Variants in HDAC4 observed in about 807,000 individuals in gnomAD.
The protein encoded by HDAC4 is histone deacetylase 4.
A neutral mutation model predicts 135.1 loss-of-function variants in HDAC4; 16 were observed. The observed-to-expected ratio is 0.12, with a 90% confidence interval of 0.08 to 0.18. HDAC4 has a LOEUF of 0.18. Ranked by LOEUF, HDAC4 falls within the 10% of genes least tolerant of loss-of-function variation. HDAC4 has a pLI of 1.00. For synonymous variants in HDAC4, 685 were observed against 653.4 expected (o/e 1.05, Z -0.74); for missense variants, 1,143 against 1,511.8 (o/e 0.76, Z 4.05).
intron 2 of HDAC4, among the ~76,000 whole-genome samples, chr2:239,273,477 G>A (rs2050165486): frequency 6.6e-6 from 1 of 152,170 alleles, no homozygotes; most frequent in African/African-American, 2.4e-5. Context: ...CTTCCTCTCT[G>A]CAGAAGTCTT....
At chr2:239,106,183 G>A (rs758506914) in intron 15 of HDAC4, among the ~76,000 whole-genome samples, 22 of 152,230 alleles carry the variant, frequency 1.4e-4, no homozygotes, top group Admixed American at 2.6e-4. Context: ...AGCCGAGGGC[G>A]GGCGGAGGAG....
chr2:239,329,898 G>A (rs768636901), intron 2 of HDAC4, among the ~76,000 whole-genome samples: 18 of 151,868 alleles, frequency 1.2e-4, no homozygotes, highest in Non-Finnish European at 2.4e-4. Flanking sequence ...AGTGGGAGGC[G>A]GCCACGGGTG....
intron 22 of HDAC4, among the ~76,000 whole-genome samples, chr2:239,077,192 G>A (rs997335929): frequency 2.2e-4 from 33 of 152,242 alleles, no homozygotes; most frequent in African/African-American, 7.7e-4. Flanking sequence ...CAGAGGCCCC[G>A]ATAGAGCCCC....
rs2052581843 is a variant in HDAC4 at position 239,306,355 on chromosome 2, G to A, written c.22+46323C>T. ...GTCCAGCAAGTCAGTGACTACAACA[G>A]AGGACACAGCCTTCCAGTGGACACG... On this transcript the variant is annotated intron_variant, in intron 2 of 26. Coordinates refer to ENST00000543185, the MANE Select transcript of HDAC4 (RefSeq NM_001378414.1). This position sits in a 1 kb window ranked among gnomAD's most constrained non-coding sequence, Gnocchi z 4.5. Among the ~76,000 whole-genome samples the A allele has an allele frequency of 1.3e-5, 2 of 152,284 alleles. No homozygotes were observed. The highest frequency in any genetic ancestry group is 3.9e-4 in the East Asian group (2 of 5,168).
At chr2:239,081,266 G>T in intron 21 of HDAC4, 74 bp from the exon 22 acceptor site, 1 of 1,290,682 alleles carries the variant, frequency 7.7e-7, no homozygotes, top group Non-Finnish European at 1.1e-6. Context: ...CCTGATGCAG[G>T]TGGCACCGGG....
chr2:239,298,285 G>T, intron 2 of HDAC4: 1 of 1,259,198 alleles, frequency 7.9e-7, no homozygotes, highest in Non-Finnish European at 1.0e-6. Context: ...CCCTGGACAA[G>T]CGGTGGCTTC....
chr2:239,350,438 T>G (rs1575734127), intron 2 of HDAC4, among the ~76,000 whole-genome samples: 1 of 152,072 alleles, frequency 6.6e-6, no homozygotes, highest in African/African-American at 2.4e-5. Flanking sequence ...TGAGTTAATA[T>G]ATAATTAAAA....
chr2:239,148,881 TGAATTG>T (rs1289959216), intron 7 of HDAC4, among the ~76,000 whole-genome samples: 6 of 152,132 alleles, frequency 3.9e-5, no homozygotes, highest in Admixed American at 6.5e-5. Flanking sequence ...AATGTGGGCC[TGAATTG>T]ATAGCAGGCA....
intron 24 of HDAC4, among the ~76,000 whole-genome samples, chr2:239,062,349 C>A (rs1486495776): frequency 1.3e-5 from 2 of 152,224 alleles, no homozygotes; most frequent in East Asian, 3.9e-4. Context: ...CAGCTGGCGG[C>A]CCCGCCTGTG....
chr2:239,159,017 CCT>C (rs958017857), intron 6 of HDAC4, among the ~76,000 whole-genome samples: 18 of 151,686 alleles, frequency 1.2e-4, no homozygotes, highest in African/African-American at 4.4e-4. Flanking sequence ...CATACCTGCA[CCT>C]CACACTATTC....
At chr2:239,120,575 A>T (rs2039585119) in intron 12 of HDAC4, among the ~76,000 whole-genome samples, 1 of 117,242 alleles carries the variant, frequency 8.5e-6, no homozygotes, top group African/African-American at 3.1e-5. Context: ...GGAAAGGGCA[A>T]GGGGAGAAGG....
At chr2:239,061,956 G>C (rs1196430826) in intron 24 of HDAC4, among the ~76,000 whole-genome samples, 1 of 152,224 alleles carries the variant, frequency 6.6e-6, no homozygotes, top group Non-Finnish European at 1.5e-5. Flanking sequence ...AGGAGAGACG[G>C]TCCTTTCCTA....
At chr2:239,295,265 C>T (rs534883040) in intron 2 of HDAC4, among the ~76,000 whole-genome samples, 1 of 140,136 alleles carries the variant, frequency 7.1e-6, no homozygotes, top group Non-Finnish European at 1.5e-5. Flanking sequence ...CGAGATCGCG[C>T]CCCTGCACTC....
At chr2:239,213,248 C>T (rs2046439981) in intron 3 of HDAC4, among the ~76,000 whole-genome samples, 2 of 149,948 alleles carry the variant, frequency 1.3e-5, no homozygotes, top group Admixed American at 1.3e-4. Context: ...GGGCGGGGCA[C>T]AGCCACAAGG....
chr2:239,112,491 A>T (rs3791416), intron 13 of HDAC4, among the ~76,000 whole-genome samples: 1 of 152,058 alleles, frequency 6.6e-6, no homozygotes, highest in African/African-American at 2.4e-5. Flanking sequence ...TTTGGGGCCT[A>T]GAGCAGGCCT....
At chr2:239,191,673 C>T (rs527749119) in intron 3 of HDAC4, among the ~76,000 whole-genome samples, 60 of 152,342 alleles carry the variant, frequency 3.9e-4, no homozygotes, top group African/African-American at 1.4e-3. Context: ...TCCTGGTGCC[C>T]AGGGTGAGGG....
chr2:239,100,934 C>G (rs979629908), intron 16 of HDAC4, among the ~76,000 whole-genome samples: 1 of 152,154 alleles, frequency 6.6e-6, no homozygotes, highest in Non-Finnish European at 1.5e-5. Context: ...CAGCAGCAGG[C>G]GAAGCCGCTG....
Position 239,331,599 on chromosome 2 carries a change from C to A in HDAC4, c.22+21079G>T, listed in dbSNP as rs1691575791. Among the ~76,000 whole-genome samples, 1 of 152,100 alleles carries A rather than the reference C, an allele frequency of 6.6e-6. No homozygotes were observed. Among genetic ancestry groups the A allele is most frequent in the Non-Finnish European group, 1.5e-5 (1 of 68,024 alleles). ...GAAGCCTTCAGGAAGCACACACGGG[C>A]CAGGTGAGCGAACTGCAATGACACG... On this transcript the variant is annotated intron_variant, in intron 2 of 26. Coordinates refer to ENST00000543185, the MANE Select transcript of HDAC4 (RefSeq NM_001378414.1). This position sits in a 1 kb window ranked among gnomAD's most constrained non-coding sequence, Gnocchi z 4.5.
In HDAC4 at chr2:239,331,637, C is replaced by T. The variant is rs1259185362; in HGVS notation, c.22+21041G>A. Among the ~76,000 whole-genome samples the T allele has an allele frequency of 6.6e-6, 1 of 152,168 alleles. No individual in the cohort carries two copies. The highest frequency in any genetic ancestry group is 1.5e-5 in the Non-Finnish European group (1 of 68,036). On this transcript the variant is annotated intron_variant, in intron 2 of 26. Transcript: ENST00000543185. The surrounding 1 kb of genome is among the most constrained non-coding windows in gnomAD (Gnocchi z 4.5). The stretch of plus-strand genomic sequence containing the variant: ...CTGCAATGACACGTCGCCAGGGCTG[C>T]ACTGGACCCACCGTGCGGGGACTGC...
Sources: gnomAD v4.1 joint callset for allele counts (sites outside exome capture counted in the v4.1 genomes callset) on GRCh38, gnomAD v4.1.1 for gene constraint, Gnocchi (gnomAD v3.1) non-coding constraint, MANE v1.5 for transcripts, NCBI Gene and HGNC (gene_info 2026-07-23, HGNC 2026-07-21) for gene names.